Variants in CCDC171 observed in about 807,000 individuals in gnomAD.
CCDC171 encodes the protein coiled-coil domain containing 171.
In CCDC171, 177 loss-of-function variants were observed where a neutral mutation model predicts 168.2. The ratio of observed to expected loss-of-function variants is 1.05; its 90% CI spans 0.93 to 1.19. The LOEUF is 1.19. Among genes scored for constraint, CCDC171 ranks in the 50% most tolerant of loss-of-function variants. CCDC171 has a pLI of 0.00. For missense variants in CCDC171, 1,991 were observed against 1,539.0 expected (o/e 1.29, Z -4.91); for synonymous variants, 687 against 540.8 (o/e 1.27, Z -3.75).
chr9:15,820,644 T>C (rs559393351), intron 21 of CCDC171, among the ~76,000 whole-genome samples: 1 of 116,982 alleles, frequency 8.5e-6, no homozygotes, highest in Non-Finnish European at 1.9e-5. Flanking sequence ...CCAGGAAGAA[T>C]TTGAATCTCT....
chr9:15,558,193 A>G (rs1382992498), intron 1 of CCDC171, among the ~76,000 whole-genome samples: 4 of 152,100 alleles, frequency 2.6e-5, no homozygotes, highest in Non-Finnish European at 5.9e-5. Flanking sequence ...ATTGGCTAAA[A>G]TTCTCTTTTT....
intron 16 of CCDC171, among the ~76,000 whole-genome samples, chr9:15,739,975 G>T (rs1483387011): frequency 6.6e-6 from 1 of 152,140 alleles, no homozygotes; most frequent in African/African-American, 2.4e-5. Flanking sequence ...CTGGTCTTGT[G>T]ATCCACCTGC....
chr9:15,924,423 C>G (rs1341861922), intron 25 of CCDC171, among the ~76,000 whole-genome samples: 1 of 141,302 alleles, frequency 7.1e-6, no homozygotes, highest in African/African-American at 2.8e-5. Context: ...TACTTAGGAC[C>G]TTGCCTCACA....
intron 18 of CCDC171, 127 bp from the exon 19 acceptor site, chr9:15,777,473 G>T: frequency 1.8e-6 from 1 of 555,164 alleles, no homozygotes; most frequent in East Asian, 3.0e-5. Context: ...GGACCTTTTT[G>T]AATGAATTAC....
At chr9:16,092,990 C>T in the CCDC171 span, among the ~76,000 whole-genome samples, 104 of 152,274 alleles carry the variant, frequency 6.8e-4, no homozygotes, top group African/African-American at 2.3e-3. Flanking sequence ...AGTTCATGGG[C>T]CCCTCTGGGG....
intron 2 of CCDC171, among the ~76,000 whole-genome samples, chr9:15,568,122 C>T (rs1219794954): frequency 6.6e-6 from 1 of 151,952 alleles, no homozygotes; most frequent in Admixed American, 6.6e-5. Context: ...TAGTTCTAGT[C>T]TGTTTTTTCT....
At chr9:15,695,639 C>G (rs1370233349) in intron 11 of CCDC171, among the ~76,000 whole-genome samples, 1 of 152,156 alleles carries the variant, frequency 6.6e-6, no homozygotes, top group African/African-American at 2.4e-5. Context: ...TTACAGTATA[C>G]CTGCAAGGGG....
chr9:15,673,783 C>T (rs569971420), intron 9 of CCDC171, among the ~76,000 whole-genome samples: 7 of 152,262 alleles, frequency 4.6e-5, no homozygotes, highest in Non-Finnish European at 8.8e-5. Context: ...CATCGATGTT[C>T]GTCAGTGATA....
At chr9:15,625,411 T>C (rs1479845203) in intron 7 of CCDC171, among the ~76,000 whole-genome samples, 1 of 150,808 alleles carries the variant, frequency 6.6e-6, no homozygotes, top group Non-Finnish European at 1.5e-5. Flanking sequence ...TCCTGAATGG[T>C]ATTGCCTAGC....
At chr9:15,871,122 A>G (rs1281076029) in intron 23 of CCDC171, among the ~76,000 whole-genome samples, 1 of 151,676 alleles carries the variant, frequency 6.6e-6, no homozygotes, top group Non-Finnish European at 1.5e-5. Flanking sequence ...ATTTTAGAGT[A>G]GAAGTAATAT....
chr9:15,556,210 A>G lies in CCDC171; in HGVS notation c.-112+2908A>G, dbSNP rs2038784054. Among the ~76,000 whole-genome samples, 3 of 152,090 alleles carry G rather than the reference A, an allele frequency of 2.0e-5. 1 individual carries two copies. Among genetic ancestry groups the G allele is most frequent in the Non-Finnish European group, 1.5e-5 (1 of 67,986 alleles). On this transcript the variant is annotated intron_variant, in intron 1 of 25. Transcript: ENST00000380701. ...TGCCGAGAGGTCCGCTGTTAGTCTG[A>G]TGGGCTTCCCTTTGTGGGTAACCTG...
At chr9:16,070,503 A>G in the CCDC171 span, among the ~76,000 whole-genome samples, 71 of 152,322 alleles carry the variant, frequency 4.7e-4, no homozygotes, top group African/African-American at 1.6e-3. Context: ...GGGCCCAGCA[A>G]CAGTGGCTCT....
intron 3 of CCDC171, among the ~76,000 whole-genome samples, chr9:16,003,292 T>C (rs1376569944): frequency 6.6e-6 from 1 of 152,146 alleles, no homozygotes; most frequent in African/African-American, 2.4e-5. Context: ...ATTTCTAAGG[T>C]CCCTTCCAGT....
intron 6 of CCDC171, among the ~76,000 whole-genome samples, chr9:15,613,913 A>G (rs902675156): frequency 2.0e-5 from 3 of 152,242 alleles, no homozygotes; most frequent in African/African-American, 4.8e-5. Context: ...TAAAGTGTGT[A>G]TTCTTTGTCA....
In CCDC171 at chr9:15,591,442, A is replaced by G. The variant is rs2042001657; in HGVS notation, c.429A>G (p.Glu143=). The G allele has an allele frequency of 1.9e-6, 3 of 1,608,842 alleles. No homozygotes were observed. The South Asian group carries it at 3.3e-5, about 18-fold the overall frequency. Residue 143 remains glutamate, a synonymous_variant, in exon 5 of 26, where the codon GAA becomes GAG. Transcript: ENST00000380701. ...AGACTTCTCAGCAAAAATGGAAAGA[A>G]GAATGCAGAAGATTTGAACATGATT... The part of the protein sequence containing the change: ...AFQTSQQKWK[E]ECRRFEHDLE...
At chr9:15,911,885 C>G (rs1210070265) in intron 24 of CCDC171, among the ~76,000 whole-genome samples, 1 of 152,150 alleles carries the variant, frequency 6.6e-6, no homozygotes, top group African/African-American at 2.4e-5. Context: ...TCTGAGGCCT[C>G]TGTTCTGTTG....
Position 15,745,613 on chromosome 9 carries a change from GA to G in CCDC171, c.2654del (p.Asp885AlafsTer18), listed in dbSNP as rs2055216036. 6.4e-7 allele frequency: 1 copy of G among 1,556,308 alleles called. No individual in the cohort carries two copies. Among genetic ancestry groups the G allele is most frequent in the Non-Finnish European group, 8.7e-7 (1 of 1,154,942 alleles). Reference sequence around the variant, plus strand: ...AATCAGTTCTATGGCTGAATTACAAGACGTCATTGGTAAAGCAGGTATGGTT... The same window carrying G: ...AATCAGTTCTATGGCTGAATTACAAGCGTCATTGGTAAAGCAGGTATGGTT... ...AIISSMAELQDVIGKADPNSR... is the reference protein window; with the variant it reads ...AIISSMAELQXVIGKADPNSR... On this transcript the variant is annotated frameshift_variant, in exon 18 of 26. Transcript: ENST00000380701. LOFTEE classifies it high-confidence loss of function.
chr9:15,659,246 G>A (rs1043364666), intron 8 of CCDC171, among the ~76,000 whole-genome samples: 6 of 152,126 alleles, frequency 3.9e-5, no homozygotes, highest in Non-Finnish European at 7.4e-5. Flanking sequence ...GCTTATCTTG[G>A]ATCAGCCAGT....
At chr9:15,825,339 G>A (rs1025540737) in intron 21 of CCDC171, among the ~76,000 whole-genome samples, 2 of 152,060 alleles carry the variant, frequency 1.3e-5, no homozygotes, top group African/African-American at 4.8e-5. Context: ...TAGGTAGAAG[G>A]GAAATAGGGC....
Sources: allele counts gnomAD v4.1 joint callset (sites outside exome capture counted in the v4.1 genomes callset), GRCh38; gene constraint gnomAD v4.1.1; transcripts MANE v1.5; gene names NCBI Gene and HGNC (gene_info 2026-07-23, HGNC 2026-07-21).